KCNMB2: variants seen among roughly 807,000 people sequenced by gnomAD.
KCNMB2 encodes the protein potassium calcium-activated channel subfamily M regulatory beta subunit 2, also known as calcium-activated potassium channel subunit beta-2.
Under a neutral mutation model 24.5 loss-of-function variants are expected in KCNMB2, and 9 were observed. That is an observed-to-expected ratio of 0.37 (90% CI 0.22 to 0.64). The LOEUF is 0.64. Among genes scored for constraint, KCNMB2 ranks in the 30% least tolerant of loss-of-function variants. KCNMB2 has a pLI of 0.63. For synonymous variants in KCNMB2, 109 were observed against 104.4 expected (o/e 1.04, Z -0.27); for missense variants, 226 against 284.3 (o/e 0.79, Z 1.47).
chr3:178,693,892 C>G (rs371290314), intron 1 of KCNMB2, among the ~76,000 whole-genome samples: 1 of 144,986 alleles, frequency 6.9e-6, no homozygotes, highest in Non-Finnish European at 1.5e-5. Flanking sequence ...TTTTCTTTTT[C>G]TTTTTTTTTT....
chr3:178,632,336 G>T (rs562092251), intron 1 of KCNMB2, among the ~76,000 whole-genome samples: 1 of 152,260 alleles, frequency 6.6e-6, no homozygotes, highest in African/African-American at 2.4e-5. Flanking sequence ...TTCTCACACT[G>T]CTAATAAAGA....
At chr3:178,725,725 A>G (rs1224824531) in intron 1 of KCNMB2, among the ~76,000 whole-genome samples, 1 of 152,020 alleles carries the variant, frequency 6.6e-6, no homozygotes, top group Non-Finnish European at 1.5e-5. Context: ...CTGTTATTCG[A>G]TGGAATGTTG....
chr3:178,758,479 T>G (rs1176608923), intron 1 of KCNMB2, among the ~76,000 whole-genome samples: 1 of 67,580 alleles, frequency 1.5e-5, no homozygotes, highest in African/African-American at 5.6e-5. Context: ...TATATATATC[T>G]CCAAGAGGTG....
At chr3:178,825,935 T>G (rs971867814) in intron 3 of KCNMB2, among the ~76,000 whole-genome samples, 177 bp downstream of exon 3, 1 of 152,218 alleles carries the variant, frequency 6.6e-6, no homozygotes, top group Non-Finnish European at 1.5e-5. Context: ...CATATAGCTC[T>G]ATGTATAATC....
intron 1 of KCNMB2, among the ~76,000 whole-genome samples, chr3:178,627,355 G>T (rs1259978033): frequency 1.3e-5 from 2 of 152,080 alleles, no homozygotes; most frequent in Non-Finnish European, 2.9e-5. Flanking sequence ...TGATGTTGTG[G>T]CTTTGAACAT....
intron 1 of KCNMB2, among the ~76,000 whole-genome samples, chr3:178,773,513 C>T (rs1577176294): frequency 1.3e-5 from 2 of 151,922 alleles, no homozygotes. Flanking sequence ...TCTGAGACAC[C>T]GTAACACAAA....
intron 1 of KCNMB2, among the ~76,000 whole-genome samples, chr3:178,536,950 C>T (rs892391177): frequency 1.3e-5 from 2 of 152,240 alleles, no homozygotes; most frequent in East Asian, 1.9e-4. Flanking sequence ...GTGCATTCCA[C>T]GTTGCTTTTC....
At chr3:178,642,128 G>A (rs1264838659) in intron 1 of KCNMB2, among the ~76,000 whole-genome samples, 1 of 152,112 alleles carries the variant, frequency 6.6e-6, no homozygotes, top group Non-Finnish European at 1.5e-5. Context: ...AAACAATTCA[G>A]ATAGAGATTT....
chr3:178,770,638 C>T lies in KCNMB2; in HGVS notation c.-67-36705C>T, dbSNP rs147191902. Among the ~76,000 whole-genome samples the T allele has an allele frequency of 1.1e-3, 170 of 152,210 alleles. 1 individual carries two copies. The highest frequency in any genetic ancestry group is 3.8e-3 in the African/African-American group (158 of 41,532). On this transcript the variant is annotated intron_variant, in intron 1 of 4. Transcript: ENST00000452583. Reference sequence around the variant, plus strand: ...AAAATGATTCTCAGTAAGAAAGCTTCAACAGTTAAAATCAAAAAAAATATG... The same window carrying T: ...AAAATGATTCTCAGTAAGAAAGCTTTAACAGTTAAAATCAAAAAAAATATG...
intron 1 of KCNMB2, among the ~76,000 whole-genome samples, chr3:178,699,498 C>T (rs979443213): frequency 6.6e-6 from 1 of 152,176 alleles, no homozygotes; most frequent in African/African-American, 2.4e-5. Flanking sequence ...TAGGGGCTGG[C>T]TCACTGGAGC....
intron 1 of KCNMB2, among the ~76,000 whole-genome samples, chr3:178,684,602 C>A (rs571455264): frequency 6.6e-6 from 1 of 152,032 alleles, no homozygotes; most frequent in Admixed American, 6.5e-5. Context: ...CCGAGGCGGG[C>A]AGATCACCTG....
intron 4 of KCNMB2, among the ~76,000 whole-genome samples, chr3:178,835,729 T>TTGTG (rs1443250710): frequency 6.6e-6 from 1 of 151,990 alleles, no homozygotes. Flanking sequence ...GTTTGTTTGT[T>TTGTG]TGTTTACTTC....
intron 1 of KCNMB2, among the ~76,000 whole-genome samples, chr3:178,643,367 CAT>C (rs1719795688): frequency 1.3e-5 from 2 of 152,230 alleles, no homozygotes; most frequent in South Asian, 2.1e-4. Context: ...TGAGGCTAAA[CAT>C]GTGATAAAGT....
intron 1 of KCNMB2, among the ~76,000 whole-genome samples, chr3:178,642,444 C>T (rs1352762223): frequency 6.6e-6 from 1 of 152,284 alleles, no homozygotes; most frequent in Middle Eastern, 3.4e-3. Context: ...ACCACCAGCA[C>T]CACCCTGTGC....
chr3:178,633,282 T>C (rs1011420227), intron 1 of KCNMB2, among the ~76,000 whole-genome samples: 1 of 152,134 alleles, frequency 6.6e-6, no homozygotes, highest in Non-Finnish European at 1.5e-5. Context: ...GTGTGGGGGA[T>C]TCAACCCACA....
intron 1 of KCNMB2, among the ~76,000 whole-genome samples, chr3:178,782,848 A>C (rs879688807): frequency 1.3e-5 from 2 of 151,656 alleles, no homozygotes; most frequent in Non-Finnish European, 3.0e-5. Flanking sequence ...TTGGTGTTTT[A>C]GACAGGAAGT....
chr3:178,606,473 CTT>C (rs56897838), intron 1 of KCNMB2, among the ~76,000 whole-genome samples: 1,394 of 138,992 alleles, frequency 0.01, 9 homozygotes, highest in African/African-American at 0.018. Flanking sequence ...TTTCCTATTT[CTT>C]TTTTTTTTTT....
At chr3:178,603,219 A>G (rs1440857317) in intron 1 of KCNMB2, among the ~76,000 whole-genome samples, 1 of 152,236 alleles carries the variant, frequency 6.6e-6, no homozygotes, top group Non-Finnish European at 1.5e-5. Flanking sequence ...AAGTCTCATA[A>G]GTAGAATGTA....
intron 1 of KCNMB2, among the ~76,000 whole-genome samples, chr3:178,579,955 T>C (rs1337085837): frequency 6.6e-6 from 1 of 152,140 alleles, no homozygotes; most frequent in African/African-American, 2.4e-5. Flanking sequence ...GAGAATTTGG[T>C]ACCATTCGTT....
Sources: allele counts gnomAD v4.1 joint callset (sites outside exome capture counted in the v4.1 genomes callset), GRCh38; gene constraint gnomAD v4.1.1; transcripts MANE v1.5; gene names NCBI Gene and HGNC (gene_info 2026-07-23, HGNC 2026-07-21).